Variants in AUTS2 observed in about 807,000 individuals in gnomAD.
The protein encoded by AUTS2 is activator of transcription and developmental regulator AUTS2.
A neutral mutation model predicts 112.4 loss-of-function variants in AUTS2; 17 were observed. That is an observed-to-expected ratio of 0.15 (90% CI 0.10 to 0.23). The LOEUF (loss-of-function observed/expected upper bound fraction) is 0.23. Ranked by LOEUF, AUTS2 falls within the 10% of genes least tolerant of loss-of-function variation. The pLI is 1.00. For missense variants in AUTS2, 1,510 were observed against 1,701.6 expected, an observed-to-expected ratio of 0.89 and a Z score of 1.98; for synonymous variants, 751 against 702.7, an observed-to-expected ratio of 1.07 and a Z score of -1.09.
intron 1 of AUTS2, among the ~76,000 whole-genome samples, chr7:69,884,180 G>A (rs931096273): frequency 3.3e-5 from 5 of 152,248 alleles, no homozygotes; most frequent in African/African-American, 1.2e-4. Context: ...GACATGGACA[G>A]AATGAGTTAT....
chr7:70,712,403 A>G (rs936294030), intron 6 of AUTS2, among the ~76,000 whole-genome samples: 8 of 151,922 alleles, frequency 5.3e-5, no homozygotes, highest in African/African-American at 9.7e-5. Flanking sequence ...GCTTAGTTTT[A>G]TAGAGGATGG....
At chr7:70,683,994 C>T (rs1432458563) in intron 5 of AUTS2, among the ~76,000 whole-genome samples, 4 of 152,300 alleles carry the variant, frequency 2.6e-5, no homozygotes, top group East Asian at 1.9e-4. Flanking sequence ...GGGAATTCTA[C>T]GACATTCTAG....
At chr7:70,257,953 C>G (rs1320011078) in intron 4 of AUTS2, among the ~76,000 whole-genome samples, 1 of 152,234 alleles carries the variant, frequency 6.6e-6, no homozygotes, top group East Asian at 1.9e-4. Flanking sequence ...GGTCCAACTC[C>G]TGGCCGACAT....
chr7:69,656,520 G>T (rs1795547459), intron 1 of AUTS2, among the ~76,000 whole-genome samples: 1 of 152,046 alleles, frequency 6.6e-6, no homozygotes, highest in Non-Finnish European at 1.5e-5. Flanking sequence ...TTACAAAAAA[G>T]AACATAGGGC....
chr7:69,873,792 G>T (rs1793607129), intron 1 of AUTS2, among the ~76,000 whole-genome samples: 1 of 152,100 alleles, frequency 6.6e-6, no homozygotes, highest in South Asian at 2.1e-4. Flanking sequence ...AGAATAGCTG[G>T]AATTACACCT....
intron 5 of AUTS2, among the ~76,000 whole-genome samples, chr7:70,507,201 G>A (rs1233673462): frequency 6.6e-6 from 1 of 152,142 alleles, no homozygotes; most frequent in East Asian, 1.9e-4. Context: ...AGACTAACCA[G>A]AGAAACACAG....
At chr7:70,245,173 A>AAT (rs55854410) in intron 4 of AUTS2, among the ~76,000 whole-genome samples, 14,818 of 120,712 alleles carry the variant, frequency 0.12, 1,032 homozygotes, top group East Asian at 0.18. Context: ...TATATATAAA[A>AAT]AATAAAAAAT....
At chr7:69,797,918 A>T (rs1372553927) in intron 1 of AUTS2, among the ~76,000 whole-genome samples, 1 of 152,164 alleles carries the variant, frequency 6.6e-6, no homozygotes, top group Non-Finnish European at 1.5e-5. Context: ...TTCGAAAGGA[A>T]GGAGACTTGT....
chr7:69,977,483 G>A (rs530085735), intron 2 of AUTS2, among the ~76,000 whole-genome samples: 3 of 152,202 alleles, frequency 2.0e-5, no homozygotes, highest in South Asian at 2.1e-4. Context: ...AATTGCCATT[G>A]GGATTTTGAT....
At chr7:70,186,583 T>C (rs1449324579) in intron 4 of AUTS2, among the ~76,000 whole-genome samples, 1 of 152,162 alleles carries the variant, frequency 6.6e-6, no homozygotes, top group Non-Finnish European at 1.5e-5. Flanking sequence ...TTAATTTAAT[T>C]TTTTGAGATG....
intron 4 of AUTS2, among the ~76,000 whole-genome samples, chr7:70,164,723 C>G (rs1056826540): frequency 6.6e-6 from 1 of 151,964 alleles, no homozygotes; most frequent in African/African-American, 2.4e-5. Context: ...TTTATTCAGT[C>G]CCCCCATGCT....
At chr7:70,361,294 C>T (rs1792252245) in intron 4 of AUTS2, among the ~76,000 whole-genome samples, 1 of 151,844 alleles carries the variant, frequency 6.6e-6, no homozygotes, top group Non-Finnish European at 1.5e-5. Flanking sequence ...GATCGCGCCA[C>T]TGCACTCCAG....
At chr7:70,241,315 AT>A (rs1191225414) in intron 4 of AUTS2, among the ~76,000 whole-genome samples, 3 of 152,192 alleles carry the variant, frequency 2.0e-5, no homozygotes, top group African/African-American at 7.2e-5. Flanking sequence ...CTTTAAGGAA[AT>A]TCATTGCCTT....
At chr7:69,666,521 G>A (rs1041517961) in intron 1 of AUTS2, among the ~76,000 whole-genome samples, 6 of 152,116 alleles carry the variant, frequency 3.9e-5, no homozygotes, top group Admixed American at 6.5e-5. Flanking sequence ...CTTCTAAGCC[G>A]TGATATGTCT....
At chr7:70,387,535 A>C (rs2129635323) in intron 4 of AUTS2, among the ~76,000 whole-genome samples, 1 of 152,272 alleles carries the variant, frequency 6.6e-6, no homozygotes, top group East Asian at 1.9e-4. Context: ...AACTTCCAAA[A>C]CTATCTTCAC....
At chr7:69,690,849 G>A (rs1014116973) in intron 1 of AUTS2, among the ~76,000 whole-genome samples, 2 of 152,196 alleles carry the variant, frequency 1.3e-5, no homozygotes, top group Non-Finnish European at 2.9e-5. Flanking sequence ...CTGCATCCAG[G>A]AAGAATGAGA....
chr7:70,280,178 T>C (rs1308026325), intron 4 of AUTS2, among the ~76,000 whole-genome samples: 1 of 152,222 alleles, frequency 6.6e-6, no homozygotes, highest in African/African-American at 2.4e-5. Flanking sequence ...CTCTCTCATC[T>C]TGTCCCTCAC....
At chr7:69,780,408 A>T (rs1033169113) in intron 1 of AUTS2, among the ~76,000 whole-genome samples, 3 of 152,166 alleles carry the variant, frequency 2.0e-5, no homozygotes, top group Non-Finnish European at 4.4e-5. Context: ...ATTAAAGCCC[A>T]TTGGAGTGAT....
At chr7:69,710,843 G>A (rs982021635) in intron 1 of AUTS2, among the ~76,000 whole-genome samples, 2 of 152,174 alleles carry the variant, frequency 1.3e-5, no homozygotes, top group African/African-American at 4.8e-5. Context: ...TTTCTGAACT[G>A]TATTTCATTT....
Sources: gnomAD v4.1 joint callset for allele counts (sites outside exome capture counted in the v4.1 genomes callset) on GRCh38, gnomAD v4.1.1 for gene constraint, MANE v1.5 for transcripts, NCBI Gene and HGNC (gene_info 2026-07-23, HGNC 2026-07-21) for gene names.